Variants in BABAM2 observed in about 807,000 individuals in gnomAD.
BABAM2 encodes the protein BRISC and BRCA1 A complex member 2, also known as BRISC and BRCA1-A complex member 2.
BABAM2 carries 31 observed loss-of-function variants against 54.7 expected under a neutral mutation model. The observed-to-expected ratio is 0.57, with a 90% CI of 0.43 to 0.77. The LOEUF is 0.77. Among genes scored for constraint, BABAM2 ranks in the 30% least tolerant of loss-of-function variants. The probability of loss-of-function intolerance (pLI) is 0.00; values close to 1 mark genes in which losing one functional copy is unlikely to be tolerated. For missense variants in BABAM2, 364 were observed against 455.8 expected, an observed-to-expected ratio of 0.80 and a Z score of 1.83; for synonymous variants, 167 against 162.9, an observed-to-expected ratio of 1.03 and a Z score of -0.19.
intron 6 of BABAM2, among the ~76,000 whole-genome samples, chr2:28,060,251 G>T (rs567880627): frequency 2.2e-4 from 34 of 152,170 alleles, no homozygotes; most frequent in African/African-American, 6.7e-4. Context: ...GAAAAATCAT[G>T]TGATTATCTC....
chr2:28,084,696 A>G (rs1277048277), intron 6 of BABAM2, among the ~76,000 whole-genome samples: 1 of 152,134 alleles, frequency 6.6e-6, no homozygotes, highest in East Asian at 1.9e-4. Context: ...GATCCATGGA[A>G]TGAATCCAGG....
At chr2:28,117,157 G>T in intron 6 of BABAM2, among the ~76,000 whole-genome samples, 1 of 152,182 alleles carries the variant, frequency 6.6e-6, no homozygotes, top group East Asian at 1.9e-4. Flanking sequence ...CCAGAGCCTG[G>T]TACTGCAGGC....
At chr2:28,280,221 G>A (rs762307447) in intron 10 of BABAM2, among the ~76,000 whole-genome samples, 6 of 151,772 alleles carry the variant, frequency 4.0e-5, no homozygotes, top group Non-Finnish European at 8.8e-5. Context: ...ACCACACTCA[G>A]CACATTTTTT....
At chr2:27,936,518 A>T (rs951993009) in intron 3 of BABAM2, among the ~76,000 whole-genome samples, 1 of 152,202 alleles carries the variant, frequency 6.6e-6, no homozygotes, top group Non-Finnish European at 1.5e-5. Context: ...TTGCGGCACT[A>T]TTCACCATAG....
At chr2:28,101,008 G>C (rs1410002103) in intron 6 of BABAM2, among the ~76,000 whole-genome samples, 3 of 152,204 alleles carry the variant, frequency 2.0e-5, no homozygotes, top group Non-Finnish European at 4.4e-5. Context: ...AAAGCCCAGT[G>C]TCCACAGATA....
chr2:28,048,366 A>G (rs761177242), intron 6 of BABAM2, among the ~76,000 whole-genome samples: 24 of 152,234 alleles, frequency 1.6e-4, no homozygotes, highest in Non-Finnish European at 3.4e-4. Context: ...ATTGTATTGT[A>G]AACATATGTG....
intron 11 of BABAM2, among the ~76,000 whole-genome samples, chr2:28,324,077 C>T (rs1028188881): frequency 1.3e-5 from 2 of 152,122 alleles, no homozygotes; most frequent in African/African-American, 4.8e-5. Context: ...ACAGAGCTAC[C>T]AGAGGGAGGG....
At chr2:28,127,877 G>A (rs1326290618) in intron 6 of BABAM2, among the ~76,000 whole-genome samples, 3 of 147,480 alleles carry the variant, frequency 2.0e-5, no homozygotes, top group Non-Finnish European at 3.0e-5. Context: ...TGCCATCTCC[G>A]CTCACTGCAA....
chr2:28,263,054 A>G (rs1684663487), intron 10 of BABAM2, among the ~76,000 whole-genome samples: 1 of 151,170 alleles, frequency 6.6e-6, no homozygotes, highest in African/African-American at 2.4e-5. Flanking sequence ...AGTAGATGAA[A>G]GGTGAAGCAA....
At chr2:28,105,365 G>T (rs999345574) in intron 6 of BABAM2, among the ~76,000 whole-genome samples, 1 of 152,158 alleles carries the variant, frequency 6.6e-6, no homozygotes, top group South Asian at 2.1e-4. Flanking sequence ...GATACTGACT[G>T]TGGTATGAAG....
chr2:28,005,668 A>G (rs1673903925), intron 4 of BABAM2, among the ~76,000 whole-genome samples: 3 of 152,128 alleles, frequency 2.0e-5, no homozygotes, highest in African/African-American at 4.8e-5. Context: ...TCCAATTATA[A>G]TTCTTAGGTA....
At chr2:28,242,618 T>G (rs1682547662) in intron 9 of BABAM2, among the ~76,000 whole-genome samples, 1 of 152,132 alleles carries the variant, frequency 6.6e-6, no homozygotes, top group African/African-American at 2.4e-5. Context: ...AAATTAAAAT[T>G]TTAAATAAGG....
chr2:27,917,230 A>T (rs1206091107), intron 2 of BABAM2, among the ~76,000 whole-genome samples: 3 of 151,884 alleles, frequency 2.0e-5, no homozygotes, highest in African/African-American at 4.8e-5. Context: ...GTTGGCCAGG[A>T]TGGTCTTGAT....
chr2:27,913,732 C>G (rs1666771632), intron 2 of BABAM2, among the ~76,000 whole-genome samples: 1 of 152,102 alleles, frequency 6.6e-6, no homozygotes, highest in African/African-American at 2.4e-5. Context: ...ATAATACAAT[C>G]TTCTTTTGTA....
At chr2:28,094,585 C>T (rs1288662443) in intron 6 of BABAM2, among the ~76,000 whole-genome samples, 1 of 151,874 alleles carries the variant, frequency 6.6e-6, no homozygotes, top group East Asian at 1.9e-4. Context: ...ATTATCTAGT[C>T]CCACCCTAAA....
At chr2:28,020,691 A>G (rs1675180516) in intron 4 of BABAM2, among the ~76,000 whole-genome samples, 1 of 152,140 alleles carries the variant, frequency 6.6e-6, no homozygotes, top group Non-Finnish European at 1.5e-5. Flanking sequence ...TTATATATAT[A>G]ATTGTATAAA....
At chr2:28,057,737 AAAAGTAC>A (rs1678542874) in intron 6 of BABAM2, among the ~76,000 whole-genome samples, 1 of 152,228 alleles carries the variant, frequency 6.6e-6, no homozygotes, top group African/African-American at 2.4e-5. Context: ...AATTATTAAG[AAAAGTAC>A]AAAATTTAGT....
intron 10 of BABAM2, among the ~76,000 whole-genome samples, chr2:28,251,018 T>C (rs1041536020): frequency 2.0e-5 from 3 of 152,196 alleles, no homozygotes; most frequent in African/African-American, 7.2e-5. Flanking sequence ...AGCTGTAGGA[T>C]TGGGGCTGGG....
At chr2:28,180,307 A>G (rs150000920) in intron 7 of BABAM2, among the ~76,000 whole-genome samples, 1,999 of 152,204 alleles carry the variant, frequency 0.013, 28 homozygotes, top group South Asian at 0.05. Flanking sequence ...CTAGAAATAA[A>G]TCCTTGTATT....
Sources: gnomAD v4.1 joint callset for allele counts (sites outside exome capture counted in the v4.1 genomes callset) on GRCh38, gnomAD v4.1.1 for gene constraint, MANE v1.5 for transcripts, NCBI Gene and HGNC (gene_info 2026-07-23, HGNC 2026-07-21) for gene names.